The following NCOR2 variants were observed in gnomAD, a reference collection of about 807,000 sequenced individuals.
NCOR2 encodes nuclear receptor corepressor 2.
NCOR2 carries 81 observed loss-of-function variants against 262.9 expected under a neutral mutation model. The ratio of observed to expected loss-of-function variants is 0.31; its 90% confidence interval spans 0.26 to 0.37. The LOEUF is 0.37. Among genes scored for constraint, NCOR2 ranks in the 10% least tolerant of loss-of-function variants. The pLI, the probability that NCOR2 is intolerant of heterozygous loss-of-function variation, is 1.00. For missense variants in NCOR2, 3,385 were observed against 3,621.4 expected (o/e 0.93, Z 1.68); for synonymous variants, 1,659 against 1,559.3 (o/e 1.06, Z -1.51).
upstream of NCOR2, among the ~76,000 whole-genome samples, chr12:124,535,881 G>T (rs1321142207): frequency 7.6e-6 from 1 of 130,882 alleles, no homozygotes; most frequent in Non-Finnish European, 1.7e-5. Context: ...AGATGTGTGG[G>T]TTTAAAGGCA....
At chr12:124,506,241 T>A (rs1163067693) in intron 1 of NCOR2, among the ~76,000 whole-genome samples, 2 of 152,220 alleles carry the variant, frequency 1.3e-5, no homozygotes, top group Admixed American at 1.3e-4. Context: ...TGAACTGACT[T>A]GCCCAAGGCC....
At position 124,531,372 on chromosome 12, in the gene NCOR2, C is replaced by T. The variant is rs1027715898; in HGVS notation, c.-118+4193G>A. 4.6e-5 allele frequency among the ~76,000 whole-genome samples: 7 copies of T among 152,162 alleles called. No individual in the cohort carries two copies. Among genetic ancestry groups the T allele is most frequent in the Non-Finnish European group, 7.4e-5 (5 of 68,022 alleles). On this transcript the variant is annotated intron_variant, in intron 1 of 46. Coordinates refer to the NCOR2 transcript ENST00000404621. This position sits in a 1 kb window ranked among gnomAD's most constrained non-coding sequence, Gnocchi z 4.5. ...AGCCAACGGCAGGAGGGGCATCCCCCGGGCCCGATTAGCGGGCGGCCGCAG... is the reference window on the plus strand; with the variant it reads ...AGCCAACGGCAGGAGGGGCATCCCCTGGGCCCGATTAGCGGGCGGCCGCAG...
At chr12:124,461,334 A>T (rs910290333) in intron 5 of NCOR2, among the ~76,000 whole-genome samples, 6 of 152,216 alleles carry the variant, frequency 3.9e-5, no homozygotes, top group Admixed American at 3.9e-4. Flanking sequence ...TAGGGACTCA[A>T]GCCAATGAGC....
chr12:124,334,555 G>A (rs1208641182), exon 41 of NCOR2: 2 of 1,416,910 alleles, frequency 1.4e-6, no homozygotes, highest in African/African-American at 3.0e-5. Flanking sequence ...AGTAGAGGGG[G>A]GCGGGCAGGG....
At chr12:124,365,990 C>T (rs1300068236) in intron 20 of NCOR2, among the ~76,000 whole-genome samples, 3 of 152,312 alleles carry the variant, frequency 2.0e-5, no homozygotes, top group African/African-American at 7.2e-5. Context: ...TCAACCAGCT[C>T]GCACTTGCAA....
In NCOR2 at chr12:124,523,644, A is replaced by C. The variant is rs1047302494; in HGVS notation, c.-118+11921T>G. 2.0e-5 allele frequency among the ~76,000 whole-genome samples: 3 copies of C among 151,676 alleles called. No individual in the cohort carries two copies. Among genetic ancestry groups the C allele is most frequent in the African/African-American group, 7.3e-5 (3 of 41,212 alleles). On this transcript the variant is annotated intron_variant, in intron 1 of 46. Transcript: ENST00000404621. The surrounding 1 kb of genome is among the most constrained non-coding windows in gnomAD (Gnocchi z 4.0). The stretch of plus-strand genomic sequence containing the variant: ...AACCATAGCTGATGAACTAAAAAAA[A>C]AAAAAACAAAAAACCGAAAAACAAT...
intron 1 of NCOR2, among the ~76,000 whole-genome samples, chr12:124,557,909 G>A (rs914275508): frequency 1.3e-5 from 2 of 152,114 alleles, no homozygotes; most frequent in Non-Finnish European, 2.9e-5. Flanking sequence ...CTCCTGCCAG[G>A]CTCCAGAGGG....
chr12:124,388,079 G>A (rs1277539468), intron 16 of NCOR2, among the ~76,000 whole-genome samples: 3 of 149,658 alleles, frequency 2.0e-5, no homozygotes, highest in South Asian at 2.1e-4. Flanking sequence ...GAGGAGAGGG[G>A]ATGGAGGTGG....
intron 22 of NCOR2, 134 bp from the exon 25 acceptor site, chr12:124,356,916 G>A (rs1316713093): frequency 7.6e-6 from 9 of 1,180,582 alleles, no homozygotes; most frequent in Non-Finnish European, 1.0e-5. Context: ...GGGCTCCTCC[G>A]GGAAGCCCCC....
chr12:124,533,931 A>AT (rs57112035), intron 1 of NCOR2, among the ~76,000 whole-genome samples: 56,168 of 142,308 alleles, frequency 0.39, 12,337 homozygotes, highest in East Asian at 0.69. Flanking sequence ...CCTTTTTGTG[A>AT]TTTTTTTTTT....
rs569445906 is a variant in NCOR2 at position 124,376,882 on chromosome 12, G to A, written c.2167+1355C>T. ...TGAATTCACCAAGGACTTGGGCTCC[G>A]CCGGGCTGCTTGTTTCTCCTTCAGA... On this transcript the variant is annotated intron_variant, in intron 18 of 46. Transcript: ENST00000405201. Among the ~76,000 whole-genome samples, 5 of 152,306 alleles carry A rather than the reference G, an allele frequency of 3.3e-5. No individual in the cohort carries two copies. The East Asian group carries it at 5.8e-4, about 18-fold the overall frequency.
In NCOR2 at chr12:124,489,464, C is replaced by A. The variant is rs115243137; in HGVS notation, c.106-2896G>T. ...GCAATAAGGGGTACGTTCTGAGATG[C>A]AAGGCAAAGGCTGAGCTGGCTTTCT... is the stretch of plus-strand genomic sequence containing the variant. On this transcript the variant is annotated intron_variant, in intron 1 of 46. Transcript: ENST00000405201. Among the ~76,000 whole-genome samples the A allele has an allele frequency of 9.8e-3, 1,485 of 152,286 alleles. 33 individuals are homozygous for A. Among genetic ancestry groups the A allele is most frequent in the African/African-American group, 0.034 (1,421 of 41,540 alleles).
At chr12:124,509,869 G>A (rs1349869263) in intron 1 of NCOR2, among the ~76,000 whole-genome samples, 2 of 151,760 alleles carry the variant, frequency 1.3e-5, no homozygotes, top group Admixed American at 6.6e-5. Context: ...ACCCCCCGAC[G>A]GCCGCCCCCC....
chr12:124,339,903 C>T (rs2036304272), intron 37 of NCOR2, 103 bp downstream of exon 39: 2 of 758,300 alleles, frequency 2.6e-6, no homozygotes, highest in Admixed American at 5.0e-5. Context: ...GCCCACCCAC[C>T]CACCTCCCAT....
chr12:124,413,470 T>TG (rs1388095802), intron 13 of NCOR2, among the ~76,000 whole-genome samples: 1 of 152,092 alleles, frequency 6.6e-6, no homozygotes, highest in Non-Finnish European at 1.5e-5. Context: ...GGGCACCTCC[T>TG]GGGGGGTCTG....
At chr12:124,386,383 C>A (rs926977948) in intron 16 of NCOR2, among the ~76,000 whole-genome samples, 5 of 151,886 alleles carry the variant, frequency 3.3e-5, no homozygotes, top group Admixed American at 1.3e-4. Flanking sequence ...AAGGAAGGGA[C>A]GTGGTGAGCA....
intron 1 of NCOR2, among the ~76,000 whole-genome samples, chr12:124,565,622 C>T (rs1246961776): frequency 6.6e-6 from 1 of 151,622 alleles, no homozygotes; most frequent in African/African-American, 2.4e-5. Context: ...GATTAAAGGC[C>T]CAATCTTAGA....
At chr12:124,422,464 TG>T in intron 12 of NCOR2, 36 bp downstream of exon 14, 1 of 1,612,722 alleles carries the variant, frequency 6.2e-7, no homozygotes, top group Non-Finnish European at 8.5e-7. Context: ...CCCACGGAGG[TG>T]GAGACCGAAG....
chr12:124,515,340 T>A (rs1226252998), intron 1 of NCOR2, among the ~76,000 whole-genome samples: 1 of 149,942 alleles, frequency 6.7e-6, no homozygotes, highest in Non-Finnish European at 1.5e-5. Flanking sequence ...TGCACTGCAC[T>A]CCAGCCTGGG....
Sources: allele counts gnomAD v4.1 joint callset (sites outside exome capture counted in the v4.1 genomes callset), GRCh38; gene constraint gnomAD v4.1.1; non-coding constraint Gnocchi (gnomAD v3.1); transcripts MANE v1.5; gene names NCBI Gene and HGNC (gene_info 2026-07-23, HGNC 2026-07-21).